P4HA1: variants seen among roughly 807,000 people sequenced by gnomAD.
P4HA1 encodes the protein prolyl 4-hydroxylase subunit alpha 1.
P4HA1 carries 24 observed loss-of-function variants against 72.8 expected under a neutral mutation model. The observed-to-expected ratio is 0.33, with a 90% CI of 0.24 to 0.46. The LOEUF is 0.46. Ranked by LOEUF, P4HA1 falls within the 20% of genes least tolerant of loss-of-function variation. P4HA1 has a pLI of 1.00. For synonymous variants in P4HA1, 201 were observed against 218.8 expected (o/e 0.92, Z 0.72); for missense variants, 446 against 640.6 (o/e 0.70, Z 3.28).
chr10:73,075,588 T>C (rs888688255), intron 1 of P4HA1, among the ~76,000 whole-genome samples: 5 of 152,190 alleles, frequency 3.3e-5, no homozygotes, highest in Middle Eastern at 3.2e-3. Flanking sequence ...CTCATAAAAA[T>C]GTACCAACTT....
At chr10:73,010,478 T>C (rs1409511492) in intron 13 of P4HA1, among the ~76,000 whole-genome samples, 1 of 152,126 alleles carries the variant, frequency 6.6e-6, no homozygotes, top group African/African-American at 2.4e-5. Flanking sequence ...GAAAACACAA[T>C]GCAGAACCCA....
intron 10 of P4HA1, among the ~76,000 whole-genome samples, chr10:73,020,932 C>T (rs1362205521): frequency 2.6e-5 from 4 of 152,042 alleles, no homozygotes; most frequent in Admixed American, 6.6e-5. Flanking sequence ...GTCAGGAGTA[C>T]GAGACCAGCC....
In P4HA1 at chr10:73,048,625, T is replaced by C. The variant is rs911117264; in HGVS notation, c.901-1524A>G. ...GTGTTACATTAACAAACCGGGAAAT[T>C]AGCAGACTCTTTGTTTTATATCTAC... is the stretch of plus-strand genomic sequence containing the variant. On this transcript the variant is annotated intron_variant, in intron 7 of 14. Transcript: ENST00000394890. 3.4e-5 allele frequency among the ~76,000 whole-genome samples: 5 copies of C among 145,184 alleles called. No homozygotes were observed. In the East Asian group the frequency reaches 1.1e-3, roughly 31 times the overall value.
At chr10:73,063,628 G>A (rs1349928604) in intron 5 of P4HA1, among the ~76,000 whole-genome samples, 1 of 152,316 alleles carries the variant, frequency 6.6e-6, no homozygotes, top group South Asian at 2.1e-4. Context: ...AATTATAAAT[G>A]TTTCTCTTAG....
chr10:73,040,622 C>A (rs531929730), intron 9 of P4HA1, among the ~76,000 whole-genome samples: 17 of 151,720 alleles, frequency 1.1e-4, no homozygotes, highest in Admixed American at 3.9e-4. Flanking sequence ...ATTACAGGCG[C>A]GCCACCACAC....
At chr10:73,068,763 C>CTT in intron 5 of P4HA1, 83 bp downstream of exon 5, 1 of 1,129,134 alleles carries the variant, frequency 8.9e-7, no homozygotes, top group Non-Finnish European at 1.3e-6. Context: ...AAATGCAAGT[C>CTT]TTTTTTATAC....
chr10:73,040,203 C>T (rs181392592), intron 9 of P4HA1, among the ~76,000 whole-genome samples: 56 of 152,162 alleles, frequency 3.7e-4, no homozygotes, highest in Admixed American at 5.9e-4. Context: ...CTTCTGCTAT[C>T]ATTTATAATA....
At chr10:73,055,595 C>T (rs1157233210) in intron 5 of P4HA1, among the ~76,000 whole-genome samples, 2 of 152,132 alleles carry the variant, frequency 1.3e-5, no homozygotes, top group African/African-American at 4.8e-5. Context: ...GTGATGAAGT[C>T]CAACTTATTA....
chr10:73,063,210 T>C (rs914691794), intron 5 of P4HA1, among the ~76,000 whole-genome samples: 5 of 152,200 alleles, frequency 3.3e-5, no homozygotes, highest in African/African-American at 1.2e-4. Flanking sequence ...GGCTGGGTAG[T>C]CCAAGATTCA....
At chr10:73,028,192 G>A (rs1840335526) in intron 10 of P4HA1, among the ~76,000 whole-genome samples, 1 of 151,296 alleles carries the variant, frequency 6.6e-6, no homozygotes, top group Non-Finnish European at 1.5e-5. Flanking sequence ...TTAAAAAACT[G>A]CAAGCGTTAT....
chr10:73,067,055 T>C (rs1841439853), intron 5 of P4HA1, among the ~76,000 whole-genome samples: 1 of 151,996 alleles, frequency 6.6e-6, no homozygotes, highest in African/African-American at 2.4e-5. Context: ...TTTTGTAGAG[T>C]CAGGGAATTG....
At chr10:73,011,440 T>C (rs890114320) in intron 12 of P4HA1, among the ~76,000 whole-genome samples, 5 of 152,168 alleles carry the variant, frequency 3.3e-5, no homozygotes, top group Non-Finnish European at 7.4e-5. Context: ...TTGCTGATCA[T>C]TAATGTCTAG....
intron 5 of P4HA1, among the ~76,000 whole-genome samples, chr10:73,066,443 A>T (rs1185545749): frequency 1.3e-5 from 2 of 152,204 alleles, no homozygotes; most frequent in Non-Finnish European, 2.9e-5. Context: ...TTTAAACAAA[A>T]CACATATAGT....
intron 5 of P4HA1, among the ~76,000 whole-genome samples, chr10:73,063,971 T>C (rs572650962): frequency 1.4e-5 from 2 of 145,948 alleles, no homozygotes; most frequent in East Asian, 2.1e-4. Context: ...ATAAGGAAAG[T>C]GGTATGGGCA....
At chr10:73,026,054 C>T (rs965170476) in intron 10 of P4HA1, among the ~76,000 whole-genome samples, 3 of 152,094 alleles carry the variant, frequency 2.0e-5, no homozygotes, top group East Asian at 3.8e-4. Context: ...AGATTCAATG[C>T]CATCCCCATC....
At chr10:73,012,354 A>G (rs911650694) in intron 12 of P4HA1, among the ~76,000 whole-genome samples, 26 of 152,222 alleles carry the variant, frequency 1.7e-4, no homozygotes, top group Admixed American at 1.7e-3. Context: ...CTTCACAAAC[A>G]TATCCCACTT....
intron 9 of P4HA1, among the ~76,000 whole-genome samples, chr10:73,038,463 T>C (rs2133076293): frequency 6.6e-6 from 1 of 152,230 alleles, no homozygotes; most frequent in Admixed American, 6.5e-5. Context: ...ATTATTTATA[T>C]TACTTTAACT....
chr10:73,030,916 T>G (rs895657304), intron 9 of P4HA1, among the ~76,000 whole-genome samples: 2 of 152,162 alleles, frequency 1.3e-5, no homozygotes, highest in African/African-American at 4.8e-5. Context: ...ACATTGCTAA[T>G]GGGAATGTAA....
At chr10:73,080,797 A>T (rs1841805030) in intron 1 of P4HA1, among the ~76,000 whole-genome samples, 1 of 152,112 alleles carries the variant, frequency 6.6e-6, no homozygotes, top group Non-Finnish European at 1.5e-5. Flanking sequence ...GCATGTTGGC[A>T]CACACCTGTA....
Sources: allele counts gnomAD v4.1 joint callset (sites outside exome capture counted in the v4.1 genomes callset), GRCh38; gene constraint gnomAD v4.1.1; transcripts MANE v1.5; gene names NCBI Gene and HGNC (gene_info 2026-07-23, HGNC 2026-07-21).